TMEM74: variants seen among roughly 807,000 people sequenced by gnomAD.
TMEM74 encodes the protein transmembrane protein 74.
TMEM74 carries 13 observed loss-of-function variants against 18.1 expected under a neutral mutation model. The observed-to-expected ratio is 0.72, with a 90% CI of 0.47 to 1.14. The LOEUF is 1.14. Among genes scored for constraint, TMEM74 ranks in the 50% most tolerant of loss-of-function variants. The pLI, the probability that TMEM74 is intolerant of heterozygous loss-of-function variation, is 0.00. For synonymous variants in TMEM74, 159 were observed against 146.6 expected, an observed-to-expected ratio of 1.08 and a Z score of -0.61; for missense variants, 372 against 375.9, an observed-to-expected ratio of 0.99 and a Z score of 0.09.
chr8:108,784,888 G>T lies in TMEM74; in HGVS notation c.211C>A (p.Leu71Met). ...SSSPASPSSS[L>M]QNSTLQPDAF... Reference sequence around the variant, plus strand: ...TCTGGCTGAAGAGTACTGTTTTGCAGAGAGGAGGAGGGGGATGCTGGAGAA... The same window carrying T: ...TCTGGCTGAAGAGTACTGTTTTGCATAGAGGAGGAGGGGGATGCTGGAGAA... Residue 71 changes from leucine to methionine, a missense_variant, in exon 2 of 2, where the codon CTG becomes ATG. Leu to Met is a conservative substitution (Grantham distance 15). Transcript: ENST00000297459. 2 of 1,614,186 alleles carry T rather than the reference G, an allele frequency of 1.2e-6. No individual in the cohort carries two copies. Among genetic ancestry groups the T allele is most frequent in the African/African-American group, 2.7e-5 (2 of 75,048 alleles).
At chr8:108,675,706 G>A (rs1339552612) in intron 1 of TMEM74, among the ~76,000 whole-genome samples, 5 of 152,150 alleles carry the variant, frequency 3.3e-5, no homozygotes, top group Admixed American at 1.3e-4. Context: ...TTTAGAAAAG[G>A]TGAAACAGAA....
chr8:108,613,912 T>C (rs1272079335), intron 2 of TMEM74, among the ~76,000 whole-genome samples: 1 of 152,198 alleles, frequency 6.6e-6, no homozygotes, highest in Non-Finnish European at 1.5e-5. Flanking sequence ...CTCAGTTTAC[T>C]TCATCTTCCA....
At chr8:108,765,566 C>T (rs898902678) in intron 1 of TMEM74, among the ~76,000 whole-genome samples, 2 of 151,818 alleles carry the variant, frequency 1.3e-5, no homozygotes, top group Admixed American at 6.6e-5. Flanking sequence ...TGGTACCACA[C>T]CCGGCTAATT....
chr8:108,747,757 C>A (rs180908895), intron 1 of TMEM74, among the ~76,000 whole-genome samples: 1 of 150,440 alleles, frequency 6.6e-6, no homozygotes, highest in Non-Finnish European at 1.5e-5. Flanking sequence ...TTGTTTCCCC[C>A]CTGTGTTCAT....
At chr8:108,674,172 C>CT (rs1228057380) in intron 1 of TMEM74, among the ~76,000 whole-genome samples, 11 of 152,124 alleles carry the variant, frequency 7.2e-5, no homozygotes, top group African/African-American at 2.7e-4. Context: ...GTTTTTATAT[C>CT]TTTTTTCCCC....
downstream of TMEM74, among the ~76,000 whole-genome samples, chr8:108,777,865 A>G (rs1048396858): frequency 1.3e-5 from 2 of 152,216 alleles, no homozygotes; most frequent in African/African-American, 4.8e-5. Context: ...AGAACCCAAG[A>G]AAGTAAGCAC....
At chr8:108,774,515 C>T (rs1814206965), downstream of TMEM74, among the ~76,000 whole-genome samples, 1 of 152,128 alleles carries the variant, frequency 6.6e-6, no homozygotes. Flanking sequence ...CATCCAGCCA[C>T]CAGATTGAGA....
chr8:108,695,983 G>A (rs111574825), intron 1 of TMEM74, among the ~76,000 whole-genome samples: 16 of 152,138 alleles, frequency 1.1e-4, no homozygotes, highest in South Asian at 2.1e-4. Context: ...CACCTACTCC[G>A]AATAATCTAC....
intron 1 of TMEM74, among the ~76,000 whole-genome samples, chr8:108,771,547 A>C (rs915472686): frequency 6.6e-6 from 1 of 152,196 alleles, no homozygotes; most frequent in African/African-American, 2.4e-5. Flanking sequence ...TATAGCACAT[A>C]ATTGGGATGA....
intron 1 of TMEM74, among the ~76,000 whole-genome samples, chr8:108,673,549 T>C (rs893003790): frequency 5.9e-5 from 9 of 152,136 alleles, no homozygotes; most frequent in Non-Finnish European, 1.0e-4. Flanking sequence ...GCAGAGAGCA[T>C]AGCCAGAGAG....
rs1019049421 is a variant in TMEM74, at chr8:108,637,589, C to G, written n.264+17704G>C. Reference sequence around the variant, plus strand: ...GACAATTAAAGAGATTTGAAGATACCATGTTGCTGGCTTTGAAAAGAAAAG... The same window carrying G: ...GACAATTAAAGAGATTTGAAGATACGATGTTGCTGGCTTTGAAAAGAAAAG... On this transcript the variant is annotated intron_variant and non_coding_transcript_variant, in intron 2 of 3. Transcript: ENST00000518838. Among the ~76,000 whole-genome samples the G allele has an allele frequency of 2.0e-5, 3 of 152,058 alleles. No individual in the cohort carries two copies. In the East Asian group the frequency reaches 5.8e-4, roughly 29 times the overall value.
intron 1 of TMEM74, among the ~76,000 whole-genome samples, chr8:108,742,376 A>G (rs1813809812): frequency 6.6e-6 from 1 of 152,192 alleles, no homozygotes; most frequent in African/African-American, 2.4e-5. Context: ...GCAATTTAAA[A>G]CAAAATTCAT....
chr8:108,776,823 A>C (rs1814239734), downstream of TMEM74, among the ~76,000 whole-genome samples: 1 of 152,122 alleles, frequency 6.6e-6, no homozygotes, highest in Non-Finnish European at 1.5e-5. Flanking sequence ...ATTAAGAAGG[A>C]AAAGGAGGAT....
At chr8:108,746,506 A>G (rs1813849883) in intron 1 of TMEM74, among the ~76,000 whole-genome samples, 1 of 152,060 alleles carries the variant, frequency 6.6e-6, no homozygotes, top group South Asian at 2.1e-4. Context: ...GTATTTGTTT[A>G]TTTATGCCTG....
intron 2 of TMEM74, among the ~76,000 whole-genome samples, chr8:108,614,003 G>C (rs1468889972): frequency 6.7e-6 from 1 of 149,342 alleles, no homozygotes; most frequent in Admixed American, 6.7e-5. Context: ...CTCAATTTTT[G>C]AGAATATTGG....
intron 1 of TMEM74, among the ~76,000 whole-genome samples, chr8:108,728,760 T>G (rs1416995847): frequency 6.6e-6 from 1 of 152,212 alleles, no homozygotes; most frequent in African/African-American, 2.4e-5. Context: ...GTAACCTATA[T>G]TGATGTTATA....
At chr8:108,612,233 A>T (rs1162945679) in intron 2 of TMEM74, among the ~76,000 whole-genome samples, 4 of 150,930 alleles carry the variant, frequency 2.7e-5, no homozygotes, top group Non-Finnish European at 5.9e-5. Context: ...TTTCTATGTT[A>T]AAAAAAAATG....
intron 1 of TMEM74, among the ~76,000 whole-genome samples, chr8:108,709,852 G>A (rs150227572): frequency 6.0e-4 from 92 of 152,174 alleles, no homozygotes; most frequent in African/African-American, 1.8e-3. Flanking sequence ...TTAAATATAC[G>A]TAGTTCTTTG....
chr8:108,657,770 G>A (rs1812849139), intron 1 of TMEM74, among the ~76,000 whole-genome samples: 1 of 146,600 alleles, frequency 6.8e-6, no homozygotes, highest in African/African-American at 2.5e-5. Flanking sequence ...TTGAACCAGG[G>A]AGGTGGAGGT....
Sources: gnomAD v4.1 joint callset for allele counts (sites outside exome capture counted in the v4.1 genomes callset) on GRCh38, gnomAD v4.1.1 for gene constraint, MANE v1.5 for transcripts, NCBI Gene and HGNC (gene_info 2026-07-23, HGNC 2026-07-21) for gene names.